The following RUNX1T1 variants were observed in gnomAD, a reference collection of about 807,000 sequenced individuals.
RUNX1T1 encodes the protein protein CBFA2T1.
Under a neutral mutation model 62.8 loss-of-function variants are expected in RUNX1T1, and 4 were observed. The ratio of observed to expected loss-of-function variants is 0.06; its 90% CI spans 0.03 to 0.15. The LOEUF is 0.15. RUNX1T1 is among the 10% of genes least tolerant of loss of function. The probability of loss-of-function intolerance (pLI) is 1.00; values close to 1 mark genes in which losing one functional copy is unlikely to be tolerated. For synonymous variants in RUNX1T1, 291 were observed against 286.0 expected (o/e 1.02, Z -0.18); for missense variants, 508 against 754.3 (o/e 0.67, Z 3.82).
At chr8:92,068,113 T>C (rs889447032) in intron 2 of RUNX1T1, among the ~76,000 whole-genome samples, 3 of 152,218 alleles carry the variant, frequency 2.0e-5, no homozygotes, top group South Asian at 2.1e-4. Flanking sequence ...CTGTTTTTTT[T>C]CAAGTAAAAG....
intron 1 of RUNX1T1, among the ~76,000 whole-genome samples, chr8:92,077,608 G>GA (rs1330261464): frequency 6.6e-6 from 1 of 151,820 alleles, no homozygotes; most frequent in Non-Finnish European, 1.5e-5. Flanking sequence ...CAAATATTGG[G>GA]AAAAAAGAAA....
intron 1 of RUNX1T1, among the ~76,000 whole-genome samples, chr8:92,028,491 T>C (rs931403722): frequency 6.6e-6 from 1 of 152,132 alleles, no homozygotes; most frequent in African/African-American, 2.4e-5. Flanking sequence ...AGGTACCAAA[T>C]GGATATTAAG....
upstream of RUNX1T1, among the ~76,000 whole-genome samples, chr8:92,066,363 T>C (rs1425318765): frequency 6.6e-6 from 1 of 152,184 alleles, no homozygotes; most frequent in African/African-American, 2.4e-5. Context: ...GGCTGACATA[T>C]TGGAAAATAA....
At chr8:91,957,497 A>G, downstream of RUNX1T1, 1 of 170,042 alleles carries the variant, frequency 5.9e-6, no homozygotes, top group Non-Finnish European at 9.9e-6. Flanking sequence ...GCTCAGAGTT[A>G]GGGATTTTTT....
At chr8:92,087,330 T>C (rs1836282374) in intron 1 of RUNX1T1, among the ~76,000 whole-genome samples, 1 of 152,054 alleles carries the variant, frequency 6.6e-6, no homozygotes, top group African/African-American at 2.4e-5. Flanking sequence ...CCAAGGGCCC[T>C]TTTTGCTGCA....
At chr8:92,031,697 T>C (rs1042558989) in intron 1 of RUNX1T1, among the ~76,000 whole-genome samples, 1 of 152,150 alleles carries the variant, frequency 6.6e-6, no homozygotes, top group Non-Finnish European at 1.5e-5. Flanking sequence ...CTCAAACTCC[T>C]GGCCTCGAGC....
At chr8:92,033,521 A>G (rs1003468204) in intron 1 of RUNX1T1, among the ~76,000 whole-genome samples, 13 of 152,216 alleles carry the variant, frequency 8.5e-5, no homozygotes, top group Non-Finnish European at 1.8e-4. Context: ...ACAGTGGCTC[A>G]TGCCTGTAAT....
chr8:91,994,697 G>A, intron 5 of RUNX1T1: 1 of 444,386 alleles, frequency 2.3e-6, no homozygotes, highest in South Asian at 1.8e-5. Flanking sequence ...GGTAGGCAAT[G>A]AAGAACTTTT....
Position 92,033,451 on chromosome 8 carries a change from A to C in RUNX1T1, c.8-16088T>G, listed in dbSNP as rs898490331. On this transcript the variant is annotated intron_variant, in intron 1 of 10. Coordinates refer to ENST00000396218, the Ensembl canonical transcript of RUNX1T1. ...ATCTCTATTAGAATACTGAGTAGCT[A>C]TTTCTTAAGTTCGTGATTCAGAATG... Among the ~76,000 whole-genome samples, 33 of 152,232 alleles carry C rather than the reference A, an allele frequency of 2.2e-4. 1 individual carries two copies. Among genetic ancestry groups the C allele is most frequent in the African/African-American group, 8.0e-4 (33 of 41,460 alleles).
chr8:91,979,846 G>GAT (rs749328920), intron 8 of RUNX1T1: 2 of 532,260 alleles, frequency 3.8e-6, no homozygotes, highest in South Asian at 3.1e-5. Context: ...GGGATGAGCT[G>GAT]ATAGCCTTTG....
intron 8 of RUNX1T1, chr8:91,977,165 T>C: frequency 1.0e-5 from 2 of 197,814 alleles, no homozygotes. Flanking sequence ...ACACAGATTA[T>C]CAACTGGCAA....
At chr8:92,034,690 G>GTATACATATATATACACATATATA (rs1826926230) in intron 1 of RUNX1T1, among the ~76,000 whole-genome samples, 1 of 148,304 alleles carries the variant, frequency 6.7e-6, no homozygotes, top group African/African-American at 2.5e-5. Context: ...GTGTGTGTGT[G>GTATACATATATATACACATATATA]TATACATGTA....
At chr8:91,991,710 A>G in exon 6 of RUNX1T1, 1 of 1,614,074 alleles carries the variant, frequency 6.2e-7, no homozygotes, top group Non-Finnish European at 8.5e-7. Flanking sequence ...GTGGTGGGCA[A>G]TGGCCATATC....
intron 1 of RUNX1T1, among the ~76,000 whole-genome samples, chr8:92,029,246 G>C (rs930828953): frequency 6.6e-6 from 1 of 152,206 alleles, no homozygotes; most frequent in Non-Finnish European, 1.5e-5. Context: ...AAAAGGCACT[G>C]AGATTTTAGG....
At chr8:91,993,762 C>T (rs1260874165) in intron 5 of RUNX1T1, among the ~76,000 whole-genome samples, 7 of 152,144 alleles carry the variant, frequency 4.6e-5, no homozygotes, top group Admixed American at 2.0e-4. Context: ...GAGGCCGAGG[C>T]GGGAGGATCA....
chr8:92,013,511 C>A (rs1051819640), intron 3 of RUNX1T1, among the ~76,000 whole-genome samples: 1 of 152,126 alleles, frequency 6.6e-6, no homozygotes, highest in African/African-American at 2.4e-5. Flanking sequence ...CTGATAGGTC[C>A]ATATAATAAA....
chr8:92,055,614 T>G (rs1486663783), intron 1 of RUNX1T1, among the ~76,000 whole-genome samples: 1 of 152,154 alleles, frequency 6.6e-6, no homozygotes, highest in East Asian at 1.9e-4. Context: ...GCTTCCACTT[T>G]ATGTTTAGCA....
intron 2 of RUNX1T1, among the ~76,000 whole-genome samples, chr8:92,069,499 G>T (rs1304056864): frequency 6.6e-6 from 1 of 151,638 alleles, no homozygotes; most frequent in Non-Finnish European, 1.5e-5. Context: ...TCTCCACATT[G>T]CAAATTATCA....
chr8:92,003,744 G>A (rs1022974120), intron 5 of RUNX1T1, among the ~76,000 whole-genome samples: 1 of 152,138 alleles, frequency 6.6e-6, no homozygotes, highest in Non-Finnish European at 1.5e-5. Context: ...GCATCATGTG[G>A]ACATGCCACT....
Sources: allele counts gnomAD v4.1 joint callset (sites outside exome capture counted in the v4.1 genomes callset), GRCh38; gene constraint gnomAD v4.1.1; transcripts MANE v1.5; gene names NCBI Gene and HGNC (gene_info 2026-07-23, HGNC 2026-07-21).